Variants in RPS6KA2 observed in about 807,000 individuals in gnomAD.
The protein encoded by RPS6KA2 is ribosomal protein S6 kinase A2, also known as ribosomal protein S6 kinase alpha-2.
In RPS6KA2, 42 loss-of-function variants were observed where a neutral mutation model predicts 91.8. The ratio of observed to expected loss-of-function variants is 0.46; its 90% confidence interval spans 0.36 to 0.59. The LOEUF (loss-of-function observed/expected upper bound fraction) is 0.59, where lower values mean the gene tolerates loss of function less well. Ranked by LOEUF, RPS6KA2 falls within the 20% of genes least tolerant of loss-of-function variation. The probability of loss-of-function intolerance (pLI) is 0.00; values close to 1 mark genes in which losing one functional copy is unlikely to be tolerated. For missense variants in RPS6KA2, 798 were observed against 978.5 expected, an observed-to-expected ratio of 0.82 and a Z score of 2.46; for synonymous variants, 414 against 393.6, an observed-to-expected ratio of 1.05 and a Z score of -0.61.
rs1166051181 is a variant in RPS6KA2, at chr6:166,797,620, C to A, written c.123+60580G>T. 2.0e-5 allele frequency among the ~76,000 whole-genome samples: 3 copies of A among 152,018 alleles called. No homozygotes were observed. The East Asian group carries it at 5.8e-4, about 29-fold the overall frequency. Reference sequence around the variant, plus strand: ...CATTAAGTGGAAATGGATCCTCATACAGGTCTTCATCCTTGTTGTCCAGGC... The same window carrying A: ...CATTAAGTGGAAATGGATCCTCATAAAGGTCTTCATCCTTGTTGTCCAGGC... On this transcript the variant is annotated intron_variant, in intron 2 of 21. Coordinates refer to the RPS6KA2 transcript ENST00000503859.
At chr6:166,743,146 C>T (rs1356478767) in intron 2 of RPS6KA2, among the ~76,000 whole-genome samples, 3 of 152,180 alleles carry the variant, frequency 2.0e-5, no homozygotes, top group Non-Finnish European at 2.9e-5. Context: ...ACCCTGGAGC[C>T]GAGGCCAGCT....
intron 2 of RPS6KA2, among the ~76,000 whole-genome samples, chr6:166,663,977 A>G (rs186310862): frequency 5.3e-5 from 8 of 152,362 alleles, no homozygotes; most frequent in Middle Eastern, 3.4e-3. Context: ...TTATCTGTAA[A>G]GCAGGGCCAC....
At chr6:166,808,798 C>T (rs183106355) in intron 2 of RPS6KA2, among the ~76,000 whole-genome samples, 2 of 152,292 alleles carry the variant, frequency 1.3e-5, no homozygotes, top group East Asian at 3.9e-4. Context: ...TCAGTATCCC[C>T]AAATTGTCTA....
At chr6:166,497,237 G>T (rs773268886) in intron 8 of RPS6KA2, among the ~76,000 whole-genome samples, 3 of 152,236 alleles carry the variant, frequency 2.0e-5, no homozygotes, top group Non-Finnish European at 4.4e-5. Context: ...TAAATCAGCA[G>T]CATCATCCTC....
At chr6:166,614,590 C>T (rs1026993995) in intron 1 of RPS6KA2, among the ~76,000 whole-genome samples, 6 of 152,270 alleles carry the variant, frequency 3.9e-5, no homozygotes, top group Non-Finnish European at 8.8e-5. Context: ...TGTCTTGCTG[C>T]TGTGACAAAT....
rs534548088 is a variant in RPS6KA2, at chr6:166,437,031, T to A, written c.1333-4541A>T. On this transcript the variant is annotated intron_variant, in intron 14 of 20. Transcript: ENST00000265678. The surrounding 1 kb of genome is among the most constrained non-coding windows in gnomAD (Gnocchi z 4.3). The stretch of plus-strand genomic sequence containing the variant: ...CCTGTAACTTTTTCTGAAAAAAAAA[T>A]TTTTTTTTTTTGCTTTTGTTTTTAT... Among the ~76,000 whole-genome samples the A allele has an allele frequency of 3.4e-4, 45 of 133,550 alleles. No individual in the cohort carries two copies. The highest frequency in any genetic ancestry group is 2.4e-3 in the South Asian group (11 of 4,632). The allele number at this position is 133,550 out of a possible 152,430, so 87.6% of individuals were successfully genotyped here.
chr6:166,557,204 C>A lies in RPS6KA2; in HGVS notation c.100-18420G>T, dbSNP rs1562577732. Among the ~76,000 whole-genome samples the A allele has an allele frequency of 1.3e-5, 2 of 152,258 alleles. No individual in the cohort carries two copies. Among genetic ancestry groups the A allele is most frequent in the East Asian group, 3.8e-4 (2 of 5,204 alleles). ...CTGATCTACGGCAGGCAGTTCCCAC[C>A]CAGCCAACAGGCAGAGGCAGCTGCA... On this transcript the variant is annotated intron_variant, in intron 1 of 20. Coordinates refer to ENST00000265678, the MANE Select transcript of RPS6KA2 (RefSeq NM_021135.6). This position sits in a 1 kb window ranked among gnomAD's most constrained non-coding sequence, Gnocchi z 4.8.
intron 15 of RPS6KA2, among the ~76,000 whole-genome samples, chr6:166,431,261 A>G (rs11961383): frequency 0.019 from 2,884 of 152,298 alleles, 93 homozygotes; most frequent in African/African-American, 0.065. Flanking sequence ...AGAAATGCAA[A>G]TGTTGGCAAA....
Position 166,459,252 on chromosome 6 carries a change from A to G in RPS6KA2, c.1075+197T>C, listed in dbSNP as rs1217022426. ...TTTCCAAGGTGGAGGTTATATAGGG[A>G]ACAACAGAGAACTGGGGCTATCACT... On this transcript the variant is annotated intron_variant, in intron 12 of 20. Transcript: ENST00000265678. This position sits in a 1 kb window ranked among gnomAD's most constrained non-coding sequence, Gnocchi z 4.9. Among the ~76,000 whole-genome samples, 2 of 152,228 alleles carry G rather than the reference A, an allele frequency of 1.3e-5. No homozygotes were observed. The highest frequency in any genetic ancestry group is 2.9e-5 in the Non-Finnish European group (2 of 68,044).
intron 3 of RPS6KA2, among the ~76,000 whole-genome samples, chr6:166,521,044 C>G (rs900638369): frequency 6.6e-6 from 1 of 152,240 alleles, no homozygotes; most frequent in Non-Finnish European, 1.5e-5. Context: ...CTGGCTGTCC[C>G]GGGTGCAGCT....
rs1271622930 is a variant in RPS6KA2, at chr6:166,533,573, C to CA, written c.217-2261dup. 6.6e-6 allele frequency among the ~76,000 whole-genome samples: 1 copy of CA among 152,194 alleles called. No individual in the cohort carries two copies. The highest frequency in any genetic ancestry group is 1.9e-4 in the East Asian group (1 of 5,180). On this transcript the variant is annotated intron_variant, in intron 2 of 20. Coordinates refer to ENST00000265678, the MANE Select transcript of RPS6KA2 (RefSeq NM_021135.6). The surrounding 1 kb of genome is among the most constrained non-coding windows in gnomAD (Gnocchi z 4.0). Reference sequence around the variant, plus strand: ...TGGCCTAGGCAATGAAGAGCAGGTGCAAAACGTTCCAGCTGCCACTCCCTG... The same window carrying CA: ...TGGCCTAGGCAATGAAGAGCAGGTGCAAAAACGTTCCAGCTGCCACTCCCTG...
intron 2 of RPS6KA2, among the ~76,000 whole-genome samples, chr6:166,792,032 G>A (rs1779103188): frequency 6.6e-6 from 1 of 151,750 alleles, no homozygotes; most frequent in African/African-American, 2.4e-5. Context: ...AACTGAAGGA[G>A]ATCGAGACAC....
chr6:166,504,743 C>A (rs1160641941), intron 5 of RPS6KA2, 131 bp from the exon 6 acceptor site: 1 of 603,554 alleles, frequency 1.7e-6, no homozygotes, highest in Non-Finnish European at 2.9e-6. Flanking sequence ...AACGCTATGG[C>A]CCCCCAGAGT....
intron 1 of RPS6KA2, among the ~76,000 whole-genome samples, chr6:166,540,379 T>G (rs1273608977): frequency 6.6e-6 from 1 of 152,226 alleles, no homozygotes; most frequent in Non-Finnish European, 1.5e-5. Flanking sequence ...GGCTTTTCCA[T>G]TCTCAGTTAA....
At chr6:166,577,341 C>G (rs1168227225) in intron 1 of RPS6KA2, among the ~76,000 whole-genome samples, 2 of 152,194 alleles carry the variant, frequency 1.3e-5, no homozygotes, top group Non-Finnish European at 2.9e-5. Flanking sequence ...CCAACGACAG[C>G]TTGCACTGTG....
At chr6:166,745,578 T>G (rs1204467858) in intron 2 of RPS6KA2, among the ~76,000 whole-genome samples, 1 of 152,232 alleles carries the variant, frequency 6.6e-6, no homozygotes, top group East Asian at 1.9e-4. Context: ...GGTCCTGGGC[T>G]TAGAGTTCCA....
intron 2 of RPS6KA2, among the ~76,000 whole-genome samples, chr6:166,708,535 T>C (rs1028796979): frequency 3.3e-5 from 5 of 152,222 alleles, no homozygotes; most frequent in South Asian, 2.1e-4. Flanking sequence ...TAAACAAAAA[T>C]GCTTTCTTCC....
At chr6:166,520,250 T>C (rs1284080363) in intron 3 of RPS6KA2, among the ~76,000 whole-genome samples, 3 of 152,090 alleles carry the variant, frequency 2.0e-5, no homozygotes, top group East Asian at 3.9e-4. Flanking sequence ...ACTTTGAATT[T>C]GGACTGGAAC....
chr6:166,744,047 C>T (rs1368183131), intron 2 of RPS6KA2, among the ~76,000 whole-genome samples: 4 of 152,122 alleles, frequency 2.6e-5, no homozygotes, highest in East Asian at 1.9e-4. Flanking sequence ...CCATCCCACC[C>T]GTGTCTCAAA....
Sources: gnomAD v4.1 joint callset for allele counts (sites outside exome capture counted in the v4.1 genomes callset) on GRCh38, gnomAD v4.1.1 for gene constraint, Gnocchi (gnomAD v3.1) non-coding constraint, MANE v1.5 for transcripts, NCBI Gene and HGNC (gene_info 2026-07-23, HGNC 2026-07-21) for gene names.